The following PDE1C variants were observed in gnomAD, a reference collection of about 807,000 sequenced individuals.
The protein encoded by PDE1C is dual specificity calcium/calmodulin-dependent 3',5'-cyclic nucleotide phosphodiesterase 1C.
PDE1C carries 62 observed loss-of-function variants against 93.1 expected under a neutral mutation model. The ratio of observed to expected loss-of-function variants is 0.67; its 90% CI spans 0.54 to 0.82. The LOEUF (loss-of-function observed/expected upper bound fraction) is 0.82, where lower values mean the gene tolerates loss of function less well. Among genes scored for constraint, PDE1C ranks in the 40% least tolerant of loss-of-function variants. PDE1C has a pLI of 0.00. For missense variants in PDE1C, 742 were observed against 884.6 expected, an observed-to-expected ratio of 0.84 and a Z score of 2.04; for synonymous variants, 325 against 310.1, an observed-to-expected ratio of 1.05 and a Z score of -0.50.
chr7:31,726,948 A>G, the PDE1C span, among the ~76,000 whole-genome samples: 1 of 152,192 alleles, frequency 6.6e-6, no homozygotes, highest in Non-Finnish European at 1.5e-5. Context: ...AGGCAGGAGA[A>G]TCACTTGAAC....
At chr7:31,850,910 G>A (rs955513877) in intron 7 of PDE1C, 169 bp from the exon 8 acceptor site, 14 of 594,834 alleles carry the variant, frequency 2.4e-5, no homozygotes, top group Non-Finnish European at 4.3e-5. Context: ...AAGAGACTTG[G>A]AGACTTGTGA....
intron 3 of PDE1C, among the ~76,000 whole-genome samples, chr7:32,122,955 T>C (rs758071637): frequency 6.6e-6 from 1 of 152,038 alleles, no homozygotes; most frequent in Non-Finnish European, 1.5e-5. Flanking sequence ...ACAAAATAGA[T>C]AGACTGCTAG....
chr7:32,166,079 C>T (rs181274100), intron 3 of PDE1C, among the ~76,000 whole-genome samples: 8 of 151,472 alleles, frequency 5.3e-5, no homozygotes, highest in Admixed American at 2.0e-4. Flanking sequence ...TTATGTGAAG[C>T]GGTGGATATG....
At chr7:32,068,866 A>T (rs1410202468) in intron 1 of PDE1C, among the ~76,000 whole-genome samples, 1 of 152,140 alleles carries the variant, frequency 6.6e-6, no homozygotes, top group Admixed American at 6.5e-5. Context: ...TTGGGCCCAG[A>T]CTTTGTGGAC....
rs367952221 is a variant in PDE1C at position 31,844,353 on chromosome 7, A to T, written c.980+3615T>A. Among the ~76,000 whole-genome samples the T allele has an allele frequency of 1.3e-4, 20 of 151,768 alleles. No individual in the cohort carries two copies. The East Asian group carries it at 3.9e-3, about 29-fold the overall frequency. ...TGTAACGCAGCTCCATTAGTGACAC[A>T]TTCCTGTTGTTTTCTATTATCTGAA... is the stretch of plus-strand genomic sequence containing the variant. On this transcript the variant is annotated intron_variant, in intron 9 of 17. Transcript: ENST00000396191.
chr7:31,755,424 C>T (rs1440092245), intron 17 of PDE1C, among the ~76,000 whole-genome samples: 1 of 152,142 alleles, frequency 6.6e-6, no homozygotes, highest in Non-Finnish European at 1.5e-5. Context: ...GCAATAAGCA[C>T]ATCTACTGCC....
intron 3 of PDE1C, among the ~76,000 whole-genome samples, chr7:32,113,236 A>ATATATATATATATATATATAT (rs1798774591): frequency 1.1e-5 from 1 of 94,020 alleles, no homozygotes; most frequent in Non-Finnish European, 2.0e-5. Flanking sequence ...ATTGTCCTTA[A>ATATATATATATATATATATAT]ATATATATAT....
chr7:31,741,119 C>T, the PDE1C span, among the ~76,000 whole-genome samples: 1 of 151,300 alleles, frequency 6.6e-6, no homozygotes. Context: ...ATTTGTTTAA[C>T]GATATTTATA....
chr7:31,707,534 C>A, the PDE1C span: 1 of 444,524 alleles, frequency 2.2e-6, no homozygotes. Context: ...AACAGATCAT[C>A]CTAAATGAGG....
At chr7:32,018,844 T>C (rs890139536) in intron 2 of PDE1C, among the ~76,000 whole-genome samples, 12 of 152,122 alleles carry the variant, frequency 7.9e-5, no homozygotes, top group African/African-American at 2.7e-4. Context: ...ATTAAGATGC[T>C]TAAAAAATGT....
chr7:32,076,920 T>C (rs144719087), intron 3 of PDE1C, among the ~76,000 whole-genome samples: 29 of 147,572 alleles, frequency 2.0e-4, no homozygotes, highest in African/African-American at 6.0e-4. Flanking sequence ...TTATTCCTTA[T>C]AGGAATGTTG....
intron 16 of PDE1C, among the ~76,000 whole-genome samples, chr7:31,797,037 T>C (rs948735093): frequency 6.6e-6 from 1 of 151,610 alleles, no homozygotes; most frequent in Non-Finnish European, 1.5e-5. Context: ...CTTGAGAAAA[T>C]AAGGTTGTAA....
At chr7:31,984,283 CAT>C (rs1417053078) in intron 2 of PDE1C, among the ~76,000 whole-genome samples, 3 of 152,128 alleles carry the variant, frequency 2.0e-5, no homozygotes, top group African/African-American at 7.2e-5. Context: ...GAATTGTGCA[CAT>C]GAGGGATCTA....
rs554260313 is a variant in PDE1C at position 32,391,544 on chromosome 7, C to T, written c.310+36278G>A. 1.1e-4 allele frequency among the ~76,000 whole-genome samples: 17 copies of T among 152,272 alleles called. No homozygotes were observed. In the South Asian group the frequency reaches 2.7e-3, roughly 24 times the overall value. On this transcript the variant is annotated intron_variant, in intron 1 of 1. Transcript: ENST00000672256. ...TATTGAACAACAACTAAGTACACAT[C>T]ATTTTCAAGTGCACAGAGAACATTC...
chr7:31,706,954 G>A, the PDE1C span, among the ~76,000 whole-genome samples: 3 of 152,180 alleles, frequency 2.0e-5, no homozygotes, highest in Non-Finnish European at 4.4e-5. Flanking sequence ...TAAAGAAGAG[G>A]ATGAAGGTTG....
chr7:32,232,247 C>T (rs1014954933), intron 1 of PDE1C, among the ~76,000 whole-genome samples: 2 of 152,100 alleles, frequency 1.3e-5, no homozygotes, highest in Admixed American at 6.6e-5. Context: ...TGGACATCAG[C>T]GTGAATGAAG....
intron 11 of PDE1C, among the ~76,000 whole-genome samples, chr7:31,831,476 G>GCACACACACACACACACA (rs3842163): frequency 6.7e-4 from 95 of 141,144 alleles, no homozygotes; most frequent in Middle Eastern, 3.5e-3. Flanking sequence ...GGAAGTAAAG[G>GCACACACACACACACACA]CACACACACA....
rs551501261 is a variant in PDE1C, at chr7:31,764,061, A to G, written c.1961-10508T>C. On this transcript the variant is annotated intron_variant, in intron 17 of 17. Transcript: ENST00000396191. ...CTGAGGAAGCCACTTTGCTGAAACT[A>G]TGTGCCATTTTAAGCAAAGGAAAAA... is the stretch of plus-strand genomic sequence containing the variant. Among the ~76,000 whole-genome samples, 8 of 151,522 alleles carry G rather than the reference A, an allele frequency of 5.3e-5. 1 individual carries two copies. Among genetic ancestry groups the G allele is most frequent in the East Asian group, 3.9e-4 (2 of 5,186 alleles).
intron 2 of PDE1C, among the ~76,000 whole-genome samples, chr7:32,021,501 C>T (rs1788666820): frequency 6.6e-6 from 1 of 152,066 alleles, no homozygotes; most frequent in Non-Finnish European, 1.5e-5. Context: ...TTATCAAACT[C>T]CTCAGTCATA....
Sources: gnomAD v4.1 joint callset for allele counts (sites outside exome capture counted in the v4.1 genomes callset) on GRCh38, gnomAD v4.1.1 for gene constraint, MANE v1.5 for transcripts, NCBI Gene and HGNC (gene_info 2026-07-23, HGNC 2026-07-21) for gene names.